Variants in CDH4 observed in about 807,000 individuals in gnomAD.
The protein encoded by CDH4 is cadherin 4, also known as cadherin-4.
Under a neutral mutation model 86.0 loss-of-function variants are expected in CDH4, and 33 were observed. The observed-to-expected ratio is 0.38, with a 90% CI of 0.29 to 0.51. The LOEUF is 0.51. CDH4 is among the 20% of genes least tolerant of loss of function. The pLI is 0.86. For synonymous variants in CDH4, 555 were observed against 549.4 expected (o/e 1.01, Z -0.14); for missense variants, 1,114 against 1,307.4 (o/e 0.85, Z 2.28).
chr20:61,934,897 G>A (rs4925319), intron 15 of CDH4, among the ~76,000 whole-genome samples: 29,644 of 152,290 alleles, frequency 0.19, 3,355 homozygotes, highest in Middle Eastern at 0.28. Context: ...CTTCCCCTTT[G>A]CAAGAAACAT....
At chr20:61,672,180 G>T (rs1325752556) in intron 2 of CDH4, among the ~76,000 whole-genome samples, 1 of 151,122 alleles carries the variant, frequency 6.6e-6, no homozygotes, top group Non-Finnish European at 1.5e-5. Flanking sequence ...TGAATGGGTG[G>T]GTATATGGAT....
At chr20:61,622,225 T>C (rs930639131) in intron 2 of CDH4, among the ~76,000 whole-genome samples, 1 of 152,180 alleles carries the variant, frequency 6.6e-6, no homozygotes, top group Non-Finnish European at 1.5e-5. Flanking sequence ...TGCCACCGCC[T>C]CCTCCCCACC....
chr20:61,450,890 A>G (rs1457620164), intron 2 of CDH4, among the ~76,000 whole-genome samples: 1 of 151,602 alleles, frequency 6.6e-6, no homozygotes, highest in Admixed American at 6.6e-5. Context: ...GTGGCCACCC[A>G]GCAGTTTGCT....
chr20:61,635,176 C>T (rs2427211), intron 2 of CDH4, among the ~76,000 whole-genome samples: 79,297 of 151,446 alleles, frequency 0.52, 20,863 homozygotes, highest in East Asian at 0.72. Flanking sequence ...TTGCTGGACC[C>T]GGCAGTAACT....
chr20:61,846,041 G>A (rs558515328), intron 5 of CDH4, among the ~76,000 whole-genome samples: 5 of 152,366 alleles, frequency 3.3e-5, no homozygotes, highest in East Asian at 3.9e-4. Flanking sequence ...AAGGGAGGGC[G>A]TTGACGGGAG....
chr20:61,596,266 C>A (rs1047608044), intron 2 of CDH4, among the ~76,000 whole-genome samples: 4 of 152,226 alleles, frequency 2.6e-5, no homozygotes, highest in African/African-American at 4.8e-5. Flanking sequence ...GACAGGTGCA[C>A]GCGCACTTCT....
chr20:61,605,420 T>C (rs1417841121), intron 2 of CDH4, among the ~76,000 whole-genome samples: 1 of 151,994 alleles, frequency 6.6e-6, no homozygotes, highest in Non-Finnish European at 1.5e-5. Context: ...TTTGTCTGTT[T>C]CTCTATGTAT....
At chr20:61,421,066 C>T (rs1294001737) in intron 2 of CDH4, among the ~76,000 whole-genome samples, 1 of 152,218 alleles carries the variant, frequency 6.6e-6, no homozygotes, top group Non-Finnish European at 1.5e-5. Flanking sequence ...CCATATGTTA[C>T]TCATTTCTAT....
intron 2 of CDH4, among the ~76,000 whole-genome samples, chr20:61,629,881 G>A (rs2086867898): frequency 6.6e-6 from 1 of 152,210 alleles, no homozygotes; most frequent in African/African-American, 2.4e-5. Context: ...GGAACCAGCT[G>A]AACAGGAGGC....
intron 2 of CDH4, among the ~76,000 whole-genome samples, chr20:61,384,882 C>T (rs1173065761): frequency 6.6e-6 from 1 of 152,116 alleles, no homozygotes; most frequent in Non-Finnish European, 1.5e-5. Context: ...CCCTCTCAGT[C>T]CTGATGTTTG....
chr20:61,260,973 G>A (rs1242453326), intron 2 of CDH4, among the ~76,000 whole-genome samples: 2 of 152,246 alleles, frequency 1.3e-5, no homozygotes, highest in Non-Finnish European at 2.9e-5. Flanking sequence ...CCCACTCTGA[G>A]AGAGGGTCCT....
intron 2 of CDH4, among the ~76,000 whole-genome samples, chr20:61,498,497 A>C (rs949461564): frequency 1.3e-5 from 2 of 152,200 alleles, no homozygotes; most frequent in African/African-American, 4.8e-5. Flanking sequence ...ATTTTTAAAA[A>C]TCCACTCTTA....
At chr20:61,886,399 C>T (rs533805799) in intron 7 of CDH4, among the ~76,000 whole-genome samples, 1 of 152,344 alleles carries the variant, frequency 6.6e-6, no homozygotes, top group Non-Finnish European at 1.5e-5. Flanking sequence ...GAGCAAAAAC[C>T]CCAGGGATGG....
intron 4 of CDH4, among the ~76,000 whole-genome samples, chr20:61,790,228 A>G (rs1409868044): frequency 1.3e-5 from 2 of 150,994 alleles, no homozygotes; most frequent in Non-Finnish European, 3.0e-5. Flanking sequence ...CCCACCTACC[A>G]TCCATCCATT....
At position 61,708,780 on chromosome 20, in the gene CDH4, G is replaced by A. The variant is rs564231294; in HGVS notation, c.170-34783G>A. ...CCTTCTCTGAGTGTGCATCATGGAC[G>A]GGCATCTCCTCTGCAGGCTGTTTGT... On this transcript the variant is annotated intron_variant, in intron 2 of 15. Transcript: ENST00000614565. This position sits in a 1 kb window ranked among gnomAD's most constrained non-coding sequence, Gnocchi z 4.5. Among the ~76,000 whole-genome samples, 5 of 152,334 alleles carry A rather than the reference G, an allele frequency of 3.3e-5. No homozygotes were observed. Among genetic ancestry groups the A allele is most frequent in the Admixed American group, 2.0e-4 (3 of 15,308 alleles).
At chr20:61,502,311 C>T (rs1195314352) in intron 2 of CDH4, among the ~76,000 whole-genome samples, 2 of 152,120 alleles carry the variant, frequency 1.3e-5, no homozygotes, top group African/African-American at 4.8e-5. Context: ...TCTACTTTGT[C>T]GTTTTTCCTG....
At chr20:61,556,596 CTG>C (rs1049664646) in intron 2 of CDH4, among the ~76,000 whole-genome samples, 5 of 152,232 alleles carry the variant, frequency 3.3e-5, no homozygotes, top group Non-Finnish European at 7.3e-5. Flanking sequence ...GGCGAAGACT[CTG>C]TGGTCCAAAA....
intron 2 of CDH4, among the ~76,000 whole-genome samples, chr20:61,266,099 T>C (rs1348951473): frequency 6.6e-6 from 1 of 152,148 alleles, no homozygotes; most frequent in Admixed American, 6.5e-5. Context: ...CCATGACAGA[T>C]AAATATCCAC....
intron 2 of CDH4, among the ~76,000 whole-genome samples, chr20:61,289,618 C>G (rs2084311202): frequency 6.6e-6 from 1 of 152,238 alleles, no homozygotes; most frequent in African/African-American, 2.4e-5. Flanking sequence ...TTGAGGCTTG[C>G]TTGGTGATGT....
Sources: allele counts gnomAD v4.1 joint callset (sites outside exome capture counted in the v4.1 genomes callset), GRCh38; gene constraint gnomAD v4.1.1; non-coding constraint Gnocchi (gnomAD v3.1); transcripts MANE v1.5; gene names NCBI Gene and HGNC (gene_info 2026-07-23, HGNC 2026-07-21).